Variants in CNTN5 observed in about 807,000 individuals in gnomAD.
CNTN5 encodes contactin 5, also known as contactin-5.
In CNTN5, 77 loss-of-function variants were observed where a neutral mutation model predicts 129.1. The observed-to-expected ratio is 0.60, with a 90% CI of 0.50 to 0.72. CNTN5 has a LOEUF of 0.72. Among genes scored for constraint, CNTN5 ranks in the 30% least tolerant of loss-of-function variants. The pLI, the probability that CNTN5 is intolerant of heterozygous loss-of-function variation, is 0.00. For missense variants in CNTN5, 1,478 were observed against 1,328.8 expected, an observed-to-expected ratio of 1.11 and a Z score of -1.75; for synonymous variants, 509 against 465.6, an observed-to-expected ratio of 1.09 and a Z score of -1.20.
intron 3 of CNTN5, among the ~76,000 whole-genome samples, chr11:99,809,387 GTATGTTT>G (rs1399754819): frequency 6.6e-6 from 1 of 151,968 alleles, no homozygotes; most frequent in Non-Finnish European, 1.5e-5. Flanking sequence ...GGCAAAGATT[GTATGTTT>G]TATTATACTT....
rs138889881 is a variant in CNTN5, at chr11:99,832,048, G to T, written c.277+12283G>T. 1.2e-4 allele frequency among the ~76,000 whole-genome samples: 19 copies of T among 152,180 alleles called. No homozygotes were observed. The East Asian group carries it at 3.7e-3, about 29-fold the overall frequency. On this transcript the variant is annotated intron_variant, in intron 4 of 24. Coordinates refer to ENST00000524871, the MANE Select transcript of CNTN5 (RefSeq NM_014361.4). ...AAACTTCTTGAACCACCACTGTGCT[G>T]TACATTCATTAGCAGTTACTGCACA...
At chr11:100,261,265 G>C (rs1193172665) in intron 17 of CNTN5, among the ~76,000 whole-genome samples, 1 of 152,012 alleles carries the variant, frequency 6.6e-6, no homozygotes. Context: ...TCCTCAAAGA[G>C]AACTACAAAC....
chr11:99,545,247 G>A lies in CNTN5; in HGVS notation c.-70-10898G>A, dbSNP rs17589744. 6.4e-3 allele frequency among the ~76,000 whole-genome samples: 970 copies of A among 152,254 alleles called. 5 individuals are homozygous for A. The highest frequency in any genetic ancestry group is 9.9e-3 in the Non-Finnish European group (675 of 68,014). On this transcript the variant is annotated intron_variant, in intron 2 of 24. Coordinates refer to ENST00000524871, the MANE Select transcript of CNTN5 (RefSeq NM_014361.4). Reference sequence around the variant, plus strand: ...ATTTGCTGTTTCAAACATTGCCTTGGAATTATTTACAATTCCCAGTTTAAC... The same window carrying A: ...ATTTGCTGTTTCAAACATTGCCTTGAAATTATTTACAATTCCCAGTTTAAC...
At chr11:100,345,633 C>G (rs1434891015) in intron 23 of CNTN5, among the ~76,000 whole-genome samples, 1 of 149,916 alleles carries the variant, frequency 6.7e-6, no homozygotes, top group Non-Finnish European at 1.5e-5. Flanking sequence ...TTCAAAGTGA[C>G]CAAGAATATC....
chr11:100,048,758 G>A (rs997174850), intron 9 of CNTN5, among the ~76,000 whole-genome samples: 11 of 151,526 alleles, frequency 7.3e-5, no homozygotes, highest in African/African-American at 2.7e-4. Context: ...CAGAAGATAG[G>A]GATAGAACAA....
Position 100,340,586 on chromosome 11 carries a change from G to T in CNTN5, c.2854G>T (p.Ala952Ser). 1 of 1,613,404 alleles carries T rather than the reference G, an allele frequency of 6.2e-7. No individual in the cohort carries two copies. Among genetic ancestry groups the T allele is most frequent in the Non-Finnish European group, 8.5e-7 (1 of 1,179,636 alleles). The change falls in exon 22 of 25, where the codon GCT becomes TCT. Residue 952 changes from alanine (A) to serine (S), a missense_variant. Ala to Ser is a moderately conservative substitution (Grantham distance 99). Coordinates refer to ENST00000524871, the MANE Select transcript of CNTN5 (RefSeq NM_014361.4). ...TACGTTATATCACTTCACAGTGAGG[G>T]CTTACAATGGAGCTGGATATGGGCC... ...GNTLYHFTVR[A>S]YNGAGYGPPS...
chr11:99,199,746 T>C (rs993543869), intron 1 of CNTN5, among the ~76,000 whole-genome samples: 3 of 152,138 alleles, frequency 2.0e-5, no homozygotes, highest in Admixed American at 6.5e-5. Flanking sequence ...AGCCAAACAA[T>C]TGGTTAGCTG....
intron 13 of CNTN5, among the ~76,000 whole-genome samples, chr11:100,144,248 G>A (rs970812883): frequency 2.0e-5 from 3 of 151,920 alleles, no homozygotes; most frequent in Non-Finnish European, 4.4e-5. Flanking sequence ...TATTCAGTGG[G>A]TACATGTGCA....
intron 2 of CNTN5, among the ~76,000 whole-genome samples, chr11:99,335,691 C>G (rs1866190522): frequency 6.6e-6 from 1 of 152,062 alleles, no homozygotes; most frequent in Admixed American, 6.6e-5. Flanking sequence ...AGATGGAAAG[C>G]TGGGGTAAAT....
At chr11:99,809,961 T>G (rs1946382105) in intron 3 of CNTN5, among the ~76,000 whole-genome samples, 1 of 152,130 alleles carries the variant, frequency 6.6e-6, no homozygotes, top group South Asian at 2.1e-4. Context: ...ATTTCTCAAC[T>G]AGCTCCTGCC....
chr11:99,960,009 C>T (rs994826868), intron 8 of CNTN5, among the ~76,000 whole-genome samples: 2 of 152,096 alleles, frequency 1.3e-5, no homozygotes, highest in Non-Finnish European at 2.9e-5. Context: ...TCCTACTCAC[C>T]TCTCCCTGCC....
chr11:99,565,531 C>T (rs1948974537), intron 3 of CNTN5, among the ~76,000 whole-genome samples: 1 of 152,102 alleles, frequency 6.6e-6, no homozygotes, highest in South Asian at 2.1e-4. Context: ...GCCATCTGCC[C>T]CAGAGCTCAG....
intron 17 of CNTN5, among the ~76,000 whole-genome samples, chr11:100,259,326 G>T (rs184836465): frequency 9.2e-5 from 14 of 152,250 alleles, no homozygotes; most frequent in Non-Finnish European, 1.6e-4. Flanking sequence ...AAGAGACTTA[G>T]ACTCCCACAC....
chr11:100,046,275 CA>C (rs1290867343), intron 9 of CNTN5, among the ~76,000 whole-genome samples: 1 of 152,038 alleles, frequency 6.6e-6, no homozygotes, highest in African/African-American at 2.4e-5. Context: ...ATTATGAATC[CA>C]GCAACCAACT....
At chr11:100,166,197 AT>A (rs1222279582) in intron 13 of CNTN5, among the ~76,000 whole-genome samples, 1 of 151,754 alleles carries the variant, frequency 6.6e-6, no homozygotes, top group African/African-American at 2.4e-5. Flanking sequence ...TGAAAAATAC[AT>A]TTTTAATAAG....
At chr11:99,106,843 A>G (rs573839288) in intron 1 of CNTN5, among the ~76,000 whole-genome samples, 1 of 152,236 alleles carries the variant, frequency 6.6e-6, no homozygotes, top group African/African-American at 2.4e-5. Context: ...AGCACTCCAC[A>G]GATGTCCGCT....
At chr11:99,577,222 G>A (rs1323331753) in intron 3 of CNTN5, among the ~76,000 whole-genome samples, 4 of 152,178 alleles carry the variant, frequency 2.6e-5, no homozygotes, top group Non-Finnish European at 4.4e-5. Flanking sequence ...AAAGCAGGGA[G>A]AAATGTCCAG....
chr11:100,111,286 C>G (rs2097278712), intron 13 of CNTN5, among the ~76,000 whole-genome samples: 1 of 151,856 alleles, frequency 6.6e-6, no homozygotes, highest in South Asian at 2.1e-4. Flanking sequence ...GTTAAATTCT[C>G]CAGTTACCAA....
intron 2 of CNTN5, among the ~76,000 whole-genome samples, chr11:99,544,350 T>G (rs1948219216): frequency 6.6e-6 from 1 of 152,026 alleles, no homozygotes. Flanking sequence ...TCAAACTGTA[T>G]TAGGCATATT....
Sources: allele counts gnomAD v4.1 joint callset (sites outside exome capture counted in the v4.1 genomes callset), GRCh38; gene constraint gnomAD v4.1.1; transcripts MANE v1.5; gene names NCBI Gene and HGNC (gene_info 2026-07-23, HGNC 2026-07-21).